The following MLLT6 variants were observed in gnomAD, a reference collection of about 807,000 sequenced individuals.
MLLT6 encodes the protein MLLT6, PHD finger containing.
Under a neutral mutation model 103.0 loss-of-function variants are expected in MLLT6, and 22 were observed. The ratio of observed to expected loss-of-function variants is 0.21; its 90% CI spans 0.15 to 0.31. MLLT6 has a LOEUF of 0.31. MLLT6 is among the 10% of genes least tolerant of loss of function. The probability of loss-of-function intolerance (pLI) is 1.00; values close to 1 mark genes in which losing one functional copy is unlikely to be tolerated. For missense variants in MLLT6, 1,199 were observed against 1,441.7 expected (o/e 0.83, Z 2.73); for synonymous variants, 606 against 623.5 (o/e 0.97, Z 0.42).
Position 38,709,666 on chromosome 17 carries a change from G to A in MLLT6, c.552+91G>A, listed in dbSNP as rs562738951. 12 of 988,836 alleles carry A rather than the reference G, an allele frequency of 1.2e-5. No homozygotes were observed. The African/African-American group carries it at 1.3e-4, about 11-fold the overall frequency. The allele number at this position is 988,836 out of a possible 1,614,324, so 61.3% of individuals were successfully genotyped here. On this transcript the variant is annotated intron_variant, in intron 6 of 19. Transcript: ENST00000621332. The surrounding 1 kb of genome is among the most constrained non-coding windows in gnomAD (Gnocchi z 4.3). ...GCTCTGGGCCAGGCCAGTGCCTGGTGCTAGGAGGACAGAGAGGGAAAAAAC... is the reference window on the plus strand; with the variant it reads ...GCTCTGGGCCAGGCCAGTGCCTGGTACTAGGAGGACAGAGAGGGAAAAAAC...
Position 38,709,114 on chromosome 17 carries a change from G to A in MLLT6, c.355-59G>A. ...AAATGGAATGGAGGGGGTGGCCTAA[G>A]GACCATCAGTAGAACAGGGGCTCCC... On this transcript the variant is annotated intron_variant, in intron 4 of 19. Coordinates refer to ENST00000621332, the MANE Select transcript of MLLT6 (RefSeq NM_005937.4). This position sits in a 1 kb window ranked among gnomAD's most constrained non-coding sequence, Gnocchi z 4.3. 8 of 1,314,704 alleles carry A rather than the reference G, an allele frequency of 6.1e-6. No individual in the cohort carries two copies. Among genetic ancestry groups the A allele is most frequent in the Non-Finnish European group, 8.6e-6 (8 of 926,334 alleles). The allele number at this position is 1,314,704 out of a possible 1,614,324, so 81.4% of individuals were successfully genotyped here. A position where few individuals can be genotyped will look rare whatever the true frequency, so the allele number is the denominator to read the frequency against.
In MLLT6 at chr17:38,705,812, C is replaced by A. The variant is rs563075411; in HGVS notation, c.109+71C>A. The A allele has an allele frequency of 1.2e-4, 68 of 544,302 alleles. 1 individual carries two copies. Among genetic ancestry groups the A allele is most frequent in the African/African-American group, 1.2e-3 (59 of 49,692 alleles). 33.7% of individuals were successfully genotyped at this position (544,302 alleles called of 1,614,324 possible). A position where few individuals can be genotyped will look rare whatever the true frequency, so the allele number is the denominator to read the frequency against. On this transcript the variant is annotated intron_variant, in intron 1 of 19. Coordinates refer to ENST00000621332, the MANE Select transcript of MLLT6 (RefSeq NM_005937.4). ...TGCGCGGGGCGCCCCCGGCCGCGCC[C>A]TCCGGAGACCTCCTGGGGCTCGCGC...
In MLLT6 at chr17:38,720,023, C is replaced by T; in HGVS notation, c.2155+128C>T. ...CGCCCCAGCCTTGACTCTCGGCCAC[C>T]CCGGGCCTCACCTCCCATCCCTGCC... On this transcript the variant is annotated intron_variant, in intron 14 of 19. Coordinates refer to ENST00000621332, the MANE Select transcript of MLLT6 (RefSeq NM_005937.4). The T allele has an allele frequency of 1.2e-5, 16 of 1,307,240 alleles. 1 individual carries two copies. In the South Asian group the frequency reaches 2.4e-4, roughly 20 times the overall value. The allele number at this position is 1,307,240 out of a possible 1,614,324, so 81.0% of individuals were successfully genotyped here.
intron 12 of MLLT6, 93 bp from the exon 13 acceptor site, chr17:38,719,424 C>G: frequency 9.2e-7 from 1 of 1,088,388 alleles, no homozygotes; most frequent in East Asian, 2.6e-5. Context: ...AAGGGATCTG[C>G]GGTGAGGTCC....
At chr17:38,721,489 C>T (rs1456544412) in intron 16 of MLLT6, among the ~76,000 whole-genome samples, 1 of 152,178 alleles carries the variant, frequency 6.6e-6, no homozygotes, top group Non-Finnish European at 1.5e-5. Context: ...TGAACCTGAG[C>T]CTTTCACTTT....
Position 38,725,856 on chromosome 17 carries a change from A to G in MLLT6, c.*258A>G. 4.2e-6 allele frequency: 2 copies of G among 480,638 alleles called. No individual in the cohort carries two copies. The highest frequency in any genetic ancestry group is 7.2e-6 in the Non-Finnish European group (2 of 276,306). The allele number at this position is 480,638 out of a possible 1,614,324, so 29.8% of individuals were successfully genotyped here. ...GGAAGGACAGTCTGCAAGCCCGCCT[A>G]GGAGGTCCATCCCCAGCAAATGTTT... On this transcript the variant is annotated 3_prime_UTR_variant, in exon 20 of 20. Coordinates refer to ENST00000621332, the MANE Select transcript of MLLT6 (RefSeq NM_005937.4).
rs992954201 is a variant in MLLT6 at position 38,716,295 on chromosome 17, C to T, written c.1037-72C>T. 1.0e-5 allele frequency: 15 copies of T among 1,466,198 alleles called. No individual in the cohort carries two copies. The highest frequency in any genetic ancestry group is 1.4e-5 in the African/African-American group (1 of 69,868). The allele number at this position is 1,466,198 out of a possible 1,614,324, so 90.8% of individuals were successfully genotyped here. On this transcript the variant is annotated intron_variant, in intron 9 of 19. Transcript: ENST00000621332. This position sits in a 1 kb window ranked among gnomAD's most constrained non-coding sequence, Gnocchi z 5.6. ...TTCGTGGACCAGAGCTCTCTCCCGC[C>T]AGTACACGCGGGAGTGGGAGGGAGT... is the stretch of plus-strand genomic sequence containing the variant.
At chr17:38,722,964 C>T (rs1038382441) in intron 18 of MLLT6, among the ~76,000 whole-genome samples, 196 bp downstream of exon 18, 2 of 151,988 alleles carry the variant, frequency 1.3e-5, no homozygotes, top group Non-Finnish European at 2.9e-5. Context: ...GCCCAGGATC[C>T]CCTGGGCATT....
chr17:38,711,047 G>A (rs1377674299), intron 6 of MLLT6, among the ~76,000 whole-genome samples: 2 of 152,182 alleles, frequency 1.3e-5, no homozygotes, highest in Non-Finnish European at 2.9e-5. Flanking sequence ...GCCTTGCAGG[G>A]TATGGGGCTC....
chr17:38,726,534 G>C lies in MLLT6; in HGVS notation c.*936G>C, dbSNP rs1738574799. 2 of 233,768 alleles carry C rather than the reference G, an allele frequency of 8.6e-6. No individual in the cohort carries two copies. The highest frequency in any genetic ancestry group is 1.7e-5 in the Non-Finnish European group (2 of 118,096). 14.5% of individuals were successfully genotyped at this position (233,768 alleles called of 1,614,324 possible). A position where few individuals can be genotyped will look rare whatever the true frequency, so the allele number is the denominator to read the frequency against. ...GCACCCTCCCCACCTCACCAACTTT[G>C]GTCCCTCTCTGGGGGCATGAATGGT... On this transcript the variant is annotated 3_prime_UTR_variant, in exon 20 of 20. Transcript: ENST00000621332.
At position 38,716,702 on chromosome 17, in the gene MLLT6, A is replaced by G; in HGVS notation, c.1372A>G (p.Thr458Ala). The change falls in exon 10 of 20, where the codon ACC (threonine) becomes GCC (alanine). Residue 458 changes from threonine (T) to alanine (A), a missense_variant. Around this residue, in one of 7 missense-constraint regions of MLLT6, gnomAD observed 1,034 missense variants for 1,091.5 expected, o/e 0.95. Coordinates refer to ENST00000621332, the MANE Select transcript of MLLT6 (RefSeq NM_005937.4). The surrounding 1 kb of genome is among the most constrained non-coding windows in gnomAD (Gnocchi z 5.6). ...TGCCACCCCTGTGCCTGCTGATGAGACCCCTGAGACAGGCCTGAAGGAGAA... is the reference window on the plus strand; with the variant it reads ...TGCCACCCCTGTGCCTGCTGATGAGGCCCCTGAGACAGGCCTGAAGGAGAA... ...LSATPVPADE[T>A]PETGLKEKKH... 6.2e-7 allele frequency: 1 copy of G among 1,611,954 alleles called. No individual in the cohort carries two copies. Among genetic ancestry groups the G allele is most frequent in the Non-Finnish European group, 8.5e-7 (1 of 1,179,290 alleles).
intron 6 of MLLT6, among the ~76,000 whole-genome samples, chr17:38,710,726 A>G (rs1044257971): frequency 1.1e-4 from 17 of 152,128 alleles, no homozygotes; most frequent in African/African-American, 3.9e-4. Flanking sequence ...ACATGTCCTG[A>G]TTTGCCCCAG....
At position 38,719,912 on chromosome 17, in the gene MLLT6, C is replaced by G. The variant is rs772922385; in HGVS notation, c.2155+17C>G. On this transcript the variant is annotated intron_variant, in intron 14 of 19. Transcript: ENST00000621332. ...GCGTCAACAGTGAGGAGGGGTGGCG[C>G]CGGTCGGGACGCCTGCCCTAGGGCC... is the stretch of plus-strand genomic sequence containing the variant. The G allele has an allele frequency of 1.9e-5, 29 of 1,555,894 alleles. No homozygotes were observed. Among genetic ancestry groups the G allele is most frequent in the Admixed American group, 1.7e-4 (9 of 51,514 alleles).
At chr17:38,722,794 A>G in intron 18 of MLLT6, 26 bp downstream of exon 18, 1 of 1,550,658 alleles carries the variant, frequency 6.4e-7, no homozygotes, top group Non-Finnish European at 8.9e-7. Flanking sequence ...TCCCTGCCTC[A>G]GGTGCCCCTT....
chr17:38,721,898 G>T lies in MLLT6; in HGVS notation c.2463G>T (p.Pro821=). 3 of 1,567,758 alleles carry T rather than the reference G, an allele frequency of 1.9e-6. No homozygotes were observed. Among genetic ancestry groups the T allele is most frequent in the Non-Finnish European group, 2.6e-6 (3 of 1,161,486 alleles). The change falls in exon 17 of 20, where the codon CCG becomes CCT. Residue 821 remains proline (P), a synonymous_variant. Transcript: ENST00000621332. ...TSSEDPHSGC[P]SRSSSSLSFH... The stretch of plus-strand genomic sequence containing the variant: ...CCCAGGACCCACACTCAGGCTGCCC[G>T]AGCCGCAGCAGCTCGTCGCTGTCCT...
rs139123642 is a variant in MLLT6 at position 38,709,578 on chromosome 17, G to A, written c.552+3G>A. 68 of 1,610,744 alleles carry A rather than the reference G, an allele frequency of 4.2e-5. No homozygotes were observed. In the African/African-American group the frequency reaches 7.1e-4, roughly 17 times the overall value. ...GCAAATACCACTTCAGCAAGATGGTGAGTCCTGGCGACCAGCGCATGAGCG... is the reference window on the plus strand; with the variant it reads ...GCAAATACCACTTCAGCAAGATGGTAAGTCCTGGCGACCAGCGCATGAGCG... On this transcript the variant is annotated splice_donor_region_variant and intron_variant, in intron 6 of 19. Transcript: ENST00000621332. The surrounding 1 kb of genome is among the most constrained non-coding windows in gnomAD (Gnocchi z 4.3).
intron 19 of MLLT6, chr17:38,725,315 C>G (rs1219496424): frequency 1.8e-6 from 1 of 548,856 alleles, no homozygotes; most frequent in Non-Finnish European, 3.2e-6. Flanking sequence ...GGCCCTCTCC[C>G]TCTCCTGAGG....
chr17:38,707,660 A>G (rs572890967), intron 3 of MLLT6, 103 bp from the exon 4 acceptor site: 7 of 1,269,180 alleles, frequency 5.5e-6, no homozygotes, highest in Non-Finnish European at 6.9e-6. Context: ...CTGGAATCTG[A>G]TGGGAAGGCT....
Position 38,726,354 on chromosome 17 carries a change from A to AGT in MLLT6, c.*766_*767dup, listed in dbSNP as rs201869916. ...ATGGAGCTGCCCGTCTCAGTGTGTG[A>AGT]GTGTGTGTGTGCGTGCATGTGTGTG... On this transcript the variant is annotated 3_prime_UTR_variant, in exon 20 of 20. Transcript: ENST00000621332. 5 of 222,880 alleles carry AGT rather than the reference A, an allele frequency of 2.2e-5. No homozygotes were observed. The highest frequency in any genetic ancestry group is 2.0e-4 in the South Asian group (1 of 5,124). 13.8% of individuals were successfully genotyped at this position (222,880 alleles called of 1,614,324 possible). A position where few individuals can be genotyped will look rare whatever the true frequency, so the allele number is the denominator to read the frequency against.
Sources: allele counts gnomAD v4.1 joint callset (sites outside exome capture counted in the v4.1 genomes callset), GRCh38; gene constraint gnomAD v4.1.1; regional missense constraint gnomAD v4.1.1; non-coding constraint Gnocchi (gnomAD v3.1); transcripts MANE v1.5; gene names NCBI Gene and HGNC (gene_info 2026-07-23, HGNC 2026-07-21).